MLYCD: variants seen among roughly 807,000 people sequenced by gnomAD.
The protein encoded by MLYCD is malonyl-CoA decarboxylase.
In MLYCD, 27 loss-of-function variants were observed where a neutral mutation model predicts 35.8. That is an observed-to-expected ratio of 0.75 (90% CI 0.56 to 1.04). The LOEUF is 1.04. Among genes scored for constraint, MLYCD ranks in the 50% least tolerant of loss-of-function variants. MLYCD has a pLI of 0.00. For synonymous variants in MLYCD, 403 were observed against 302.4 expected (o/e 1.33, Z -3.45); for missense variants, 917 against 665.1 (o/e 1.38, Z -4.17).
chr16:83,910,226 C>T lies in MLYCD; in HGVS notation c.798+1944C>T, dbSNP rs1407119885. Among the ~76,000 whole-genome samples, 11 of 149,804 alleles carry T rather than the reference C, an allele frequency of 7.3e-5. 1 individual carries two copies. Among genetic ancestry groups the T allele is most frequent in the Non-Finnish European group, 4.4e-5 (3 of 67,510 alleles). On this transcript the variant is annotated intron_variant, in intron 3 of 4. Coordinates refer to ENST00000262430, the MANE Select transcript of MLYCD (RefSeq NM_012213.3). The stretch of plus-strand genomic sequence containing the variant: ...TTTATGCATGGTTTTTTTTTTTTGC[C>T]TCTTTTTGTTTTATTCACTTAGTTT...
At chr16:83,912,647 C>G (rs562433054) in intron 4 of MLYCD, 1 of 456,134 alleles carries the variant, frequency 2.2e-6, no homozygotes, top group Non-Finnish European at 4.1e-6. Flanking sequence ...CTAGGGTGAC[C>G]TCGTTCTGAC....
In MLYCD at chr16:83,915,815, A is replaced by T. The variant is rs774154358; in HGVS notation, c.*326A>T. 20 of 1,253,070 alleles carry T rather than the reference A, an allele frequency of 1.6e-5. No homozygotes were observed. The highest frequency in any genetic ancestry group is 2.0e-5 in the Non-Finnish European group (20 of 985,996). The allele number at this position is 1,253,070 out of a possible 1,614,324, so 77.6% of individuals were successfully genotyped here. ...TACCTACATCTTCAGGAAGCTGTGC[A>T]GCCTCTGCCATTGCCATCCCAGGGG... On this transcript the variant is annotated 3_prime_UTR_variant, in exon 5 of 5. Coordinates refer to ENST00000262430, the MANE Select transcript of MLYCD (RefSeq NM_012213.3).
chr16:83,915,912 C>G lies in MLYCD; in HGVS notation c.*423C>G, dbSNP rs1166366663. 3.7e-6 allele frequency: 4 copies of G among 1,091,738 alleles called. No individual in the cohort carries two copies. The highest frequency in any genetic ancestry group is 4.5e-6 in the Non-Finnish European group (4 of 893,304). The allele number at this position is 1,091,738 out of a possible 1,614,324, so 67.6% of individuals were successfully genotyped here. A position where few individuals can be genotyped will look rare whatever the true frequency, so the allele number is the denominator to read the frequency against. ...TAGGTGTTCCTTTGTGCTCATAAAA[C>G]AGAATGCGGCGATGGTTGCTTTAGC... is the stretch of plus-strand genomic sequence containing the variant. On this transcript the variant is annotated 3_prime_UTR_variant, in exon 5 of 5. Transcript: ENST00000262430.
chr16:83,915,166 T>C lies in MLYCD; in HGVS notation c.1159T>C (p.Ser387Pro). ...CCTCAGCAGCAGCGAGTGGGTGCAG[T>C]CGGAGAAGCTGGTGCGGGCGCTGCA... ...LLLSSSEWVQ[S>P]EKLVRALQTP... The change falls in exon 5 of 5, where the codon TCG becomes CCG. Residue 387 changes from serine (S) to proline (P), a missense_variant. By Grantham distance (74) the Ser-to-Pro change is moderately conservative. Transcript: ENST00000262430. The C allele has an allele frequency of 6.2e-7, 1 of 1,614,170 alleles. No individual in the cohort carries two copies.
rs995398591 is a variant in MLYCD at position 83,922,529 on chromosome 16, C to G, written c.*7040C>G. ...CTTTGGCTCCGGCCAGTGCCCAGTT[C>G]AAATGCTGGCCCCACCACTTCCAGC... On this transcript the variant is annotated 3_prime_UTR_variant, in exon 5 of 5. Transcript: ENST00000262430. 2.6e-5 allele frequency: 4 copies of G among 152,278 alleles called. No homozygotes were observed. The highest frequency in any genetic ancestry group is 9.6e-5 in the African/African-American group (4 of 41,464). 9.4% of individuals were successfully genotyped at this position (152,278 alleles called of 1,614,324 possible). A position where few individuals can be genotyped will look rare whatever the true frequency, so the allele number is the denominator to read the frequency against.
In MLYCD at chr16:83,920,716, T is replaced by C. The variant is rs567700909; in HGVS notation, c.*5227T>C. ...CACACCTCATCTCTCTAACCTCTTATGGAAAATTTCAAACATATGTAAAAG... is the reference window on the plus strand; with the variant it reads ...CACACCTCATCTCTCTAACCTCTTACGGAAAATTTCAAACATATGTAAAAG... On this transcript the variant is annotated 3_prime_UTR_variant, in exon 5 of 5. Transcript: ENST00000262430. The C allele has an allele frequency of 3.3e-5, 5 of 152,332 alleles. No homozygotes were observed. Among genetic ancestry groups the C allele is most frequent in the African/African-American group, 1.2e-4 (5 of 41,584 alleles). The allele number at this position is 152,332 out of a possible 1,614,324, so 9.4% of individuals were successfully genotyped here.
Position 83,915,050 on chromosome 16 carries a change from A to T in MLYCD, c.1043A>T (p.Glu348Val), listed in dbSNP as rs200026309. Residue 348 changes from glutamate to valine, a missense_variant, in exon 5 of 5, where the codon GAG (glutamate) becomes GTG (valine). Glu to Val is a moderately radical substitution (Grantham distance 121, BLOSUM62 -2). Coordinates refer to ENST00000262430, the MANE Select transcript of MLYCD (RefSeq NM_012213.3). Reference protein sequence around the residue: ...LLGLLNSQTKEHGRNELFTDS... With the variant: ...LLGLLNSQTKVHGRNELFTDS... ...GGGCTTCTGAACTCGCAAACGAAGG[A>T]GCATGGGAGGAATGAACTCTTTACA... 1 of 1,614,236 alleles carries T rather than the reference A, an allele frequency of 6.2e-7. No individual in the cohort carries two copies. Among genetic ancestry groups the T allele is most frequent in the African/African-American group, 1.3e-5 (1 of 75,056 alleles).
intron 3 of MLYCD, among the ~76,000 whole-genome samples, chr16:83,910,808 C>T (rs1482890249): frequency 6.6e-6 from 1 of 152,182 alleles, no homozygotes; most frequent in Non-Finnish European, 1.5e-5. Flanking sequence ...CCCTCTCGGG[C>T]CTCGGAGGAT....
Position 83,915,753 on chromosome 16 carries a change from C to T in MLYCD, c.*264C>T. 1.5e-6 allele frequency: 2 copies of T among 1,350,902 alleles called. No individual in the cohort carries two copies. Among genetic ancestry groups the T allele is most frequent in the Non-Finnish European group, 1.9e-6 (2 of 1,045,724 alleles). The allele number at this position is 1,350,902 out of a possible 1,614,324, so 83.7% of individuals were successfully genotyped here. Reference sequence around the variant, plus strand: ...TGTCTCCGGAAGATTCTGTCGTTGCCCTTGGCCTGGCTCCCTGCCCGGGGC... The same window carrying T: ...TGTCTCCGGAAGATTCTGTCGTTGCTCTTGGCCTGGCTCCCTGCCCGGGGC... On this transcript the variant is annotated 3_prime_UTR_variant, in exon 5 of 5. Coordinates refer to ENST00000262430, the MANE Select transcript of MLYCD (RefSeq NM_012213.3).
intron 1 of MLYCD, among the ~76,000 whole-genome samples, chr16:83,902,865 A>T (rs9941231): frequency 0.22 from 32,747 of 151,760 alleles, 4,414 homozygotes; most frequent in African/African-American, 0.38. Flanking sequence ...GAGGCTTGTT[A>T]CTGCCTGGAT....
rs1049507727 is a variant in MLYCD at position 83,916,461 on chromosome 16, C to T, written c.*972C>T. Reference sequence around the variant, plus strand: ...GCACGAGCGTCTGTGGATCAGTGCACGTCTGTGTGCGTGTGCACGAGCGTC... The same window carrying T: ...GCACGAGCGTCTGTGGATCAGTGCATGTCTGTGTGCGTGTGCACGAGCGTC... On this transcript the variant is annotated 3_prime_UTR_variant, in exon 5 of 5. Coordinates refer to ENST00000262430, the MANE Select transcript of MLYCD (RefSeq NM_012213.3). The T allele has an allele frequency of 1.1e-3, 148 of 138,196 alleles. No individual in the cohort carries two copies. Among genetic ancestry groups the T allele is most frequent in the Non-Finnish European group, 1.9e-3 (124 of 66,204 alleles). The allele number at this position is 138,196 out of a possible 1,614,324, so 8.6% of individuals were successfully genotyped here. A position where few individuals can be genotyped will look rare whatever the true frequency, so the allele number is the denominator to read the frequency against.
chr16:83,901,657 A>C (rs534616371), intron 1 of MLYCD, among the ~76,000 whole-genome samples: 11 of 152,180 alleles, frequency 7.2e-5, no homozygotes, highest in Admixed American at 2.0e-4. Context: ...TTCCCCACTC[A>C]AGAAAACTCT....
Position 83,920,781 on chromosome 16 carries a change from C to T in MLYCD, c.*5292C>T, listed in dbSNP as rs1364274674. 6.6e-6 allele frequency: 1 copy of T among 152,286 alleles called. No individual in the cohort carries two copies. 9.4% of individuals were successfully genotyped at this position (152,286 alleles called of 1,614,324 possible). A position where few individuals can be genotyped will look rare whatever the true frequency, so the allele number is the denominator to read the frequency against. On this transcript the variant is annotated 3_prime_UTR_variant, in exon 5 of 5. Coordinates refer to ENST00000262430, the MANE Select transcript of MLYCD (RefSeq NM_012213.3). ...ATAACGAACCTACAGACCTATCACC[C>T]AGCTTCCACAGTCATCAGTGGTTTT...
chr16:83,900,451 G>A (rs1248937904), intron 1 of MLYCD, among the ~76,000 whole-genome samples: 2 of 151,480 alleles, frequency 1.3e-5, no homozygotes, highest in African/African-American at 4.9e-5. Flanking sequence ...TTTTATTTTT[G>A]TTGCCCAGAC....
chr16:83,901,011 A>G (rs887361091), intron 1 of MLYCD, among the ~76,000 whole-genome samples: 1 of 152,214 alleles, frequency 6.6e-6, no homozygotes. Context: ...ACTTAGATGC[A>G]TAAAATTGGG....
Position 83,915,392 on chromosome 16 carries a change from G to A in MLYCD, c.1385G>A (p.Gly462Asp), listed in dbSNP as rs1907344261. The A allele has an allele frequency of 6.2e-7, 1 of 1,613,770 alleles. No individual in the cohort carries two copies. The highest frequency in any genetic ancestry group is 1.3e-5 in the African/African-American group (1 of 74,948). Residue 462 changes from glycine (G) to aspartate (D), a missense_variant, in exon 5 of 5, where the codon GGC becomes GAC. Gly to Asp is a moderately conservative substitution (Grantham distance 94). Transcript: ENST00000262430. ...ANYRYFLEET[G>D]PNSTSYLGSK... ...TACCGCTACTTCCTGGAGGAGACGG[G>A]CCCCAACAGCACCTCCTACCTCGGC...
Position 83,899,379 on chromosome 16 carries a change from G to T in MLYCD, c.235G>T (p.Ala79Ser). ...ADFVSFYGGL[A>S]ETAQRAELLG... Reference sequence around the variant, plus strand: ...CTTCGTGAGCTTCTACGGTGGGCTGGCCGAGACGGCCCAGCGGGCCGAACT... The same window carrying T: ...CTTCGTGAGCTTCTACGGTGGGCTGTCCGAGACGGCCCAGCGGGCCGAACT... The change falls in exon 1 of 5, where the codon GCC becomes TCC. Residue 79 changes from alanine (A) to serine (S), a missense_variant. Physicochemically the swap from Ala to Ser is moderately conservative, Grantham distance 99. Transcript: ENST00000262430. The T allele has an allele frequency of 6.5e-6, 10 of 1,527,368 alleles. No homozygotes were observed. The highest frequency in any genetic ancestry group is 8.7e-6 in the Non-Finnish European group (10 of 1,146,394). 94.6% of individuals were successfully genotyped at this position (1,527,368 alleles called of 1,614,324 possible).
At chr16:83,914,051 G>A (rs1025741341) in intron 4 of MLYCD, 18 of 152,202 alleles carry the variant, frequency 1.2e-4, no homozygotes, top group Non-Finnish European at 2.5e-4. Context: ...GAAACACCAG[G>A]AGTTTATCTG....
chr16:83,910,944 T>G (rs909511341), intron 3 of MLYCD, among the ~76,000 whole-genome samples: 1 of 152,196 alleles, frequency 6.6e-6, no homozygotes, highest in African/African-American at 2.4e-5. Context: ...AGGGCAGATA[T>G]GCATAGACTC....
Sources: allele counts gnomAD v4.1 joint callset (sites outside exome capture counted in the v4.1 genomes callset), GRCh38; gene constraint gnomAD v4.1.1; transcripts MANE v1.5; gene names NCBI Gene and HGNC (gene_info 2026-07-23, HGNC 2026-07-21).